The following GLIS3 variants were observed in gnomAD, a reference collection of about 807,000 sequenced individuals.
The protein encoded by GLIS3 is zinc finger protein GLIS3.
Under a neutral mutation model 78.6 loss-of-function variants are expected in GLIS3, and 53 were observed. The observed-to-expected ratio is 0.67, with a 90% CI of 0.54 to 0.85. The LOEUF is 0.85. Ranked by LOEUF, GLIS3 falls within the 40% of genes least tolerant of loss-of-function variation. GLIS3 has a pLI of 0.00. For missense variants in GLIS3, 1,703 were observed against 1,231.1 expected, an observed-to-expected ratio of 1.38 and a Z score of -5.74; for synonymous variants, 684 against 509.9, an observed-to-expected ratio of 1.34 and a Z score of -4.60.
intron 4 of GLIS3, among the ~76,000 whole-genome samples, chr9:4,094,387 TTTTAA>T (rs1403839522): frequency 6.6e-6 from 1 of 152,188 alleles, no homozygotes; most frequent in Non-Finnish European, 1.5e-5. Flanking sequence ...ATTTCCTCTG[TTTTAA>T]TTTTTGTTTT....
At chr9:4,330,197 C>T (rs529190734) in intron 2 of GLIS3, among the ~76,000 whole-genome samples, 1 of 152,224 alleles carries the variant, frequency 6.6e-6, no homozygotes, top group Admixed American at 6.5e-5. Context: ...TGGATTTTGC[C>T]AGTAGAAGGA....
chr9:4,403,022 A>G, the GLIS3 span, among the ~76,000 whole-genome samples: 1 of 152,248 alleles, frequency 6.6e-6, no homozygotes, highest in African/African-American at 2.4e-5. Flanking sequence ...AGCATTTATT[A>G]ATCAAACACT....
the GLIS3 span, among the ~76,000 whole-genome samples, chr9:4,461,943 A>G: frequency 6.6e-6 from 1 of 152,232 alleles, no homozygotes. Flanking sequence ...ATTGTTTTAC[A>G]TATTATGTTT....
intron 8 of GLIS3, among the ~76,000 whole-genome samples, chr9:3,867,759 G>A (rs960422824): frequency 4.6e-5 from 7 of 151,678 alleles, no homozygotes; most frequent in African/African-American, 1.7e-4. Context: ...GTGTGTGAGT[G>A]CATGTGTGTA....
At chr9:4,366,333 T>C in the GLIS3 span, among the ~76,000 whole-genome samples, 2 of 152,164 alleles carry the variant, frequency 1.3e-5, no homozygotes, top group African/African-American at 2.4e-5. Flanking sequence ...GCTAATTGCC[T>C]AAGCCTGAGT....
chr9:4,340,301 A>AC (rs947467979), intron 2 of GLIS3, among the ~76,000 whole-genome samples: 1 of 151,164 alleles, frequency 6.6e-6, no homozygotes, highest in African/African-American at 2.4e-5. Context: ...GAGAAAAAAA[A>AC]AAAAAAGTAT....
At chr9:4,182,254 A>AT (rs1241105363) in intron 2 of GLIS3, among the ~76,000 whole-genome samples, 1 of 152,106 alleles carries the variant, frequency 6.6e-6, no homozygotes, top group Non-Finnish European at 1.5e-5. Flanking sequence ...TGTGTAAAAA[A>AT]TTTTTTTGGA....
chr9:4,316,747 G>C (rs1465362726), intron 2 of GLIS3, among the ~76,000 whole-genome samples: 1 of 152,174 alleles, frequency 6.6e-6, no homozygotes, highest in Non-Finnish European at 1.5e-5. Flanking sequence ...TCGACCATCT[G>C]CAACCCTGAA....
intron 4 of GLIS3, among the ~76,000 whole-genome samples, chr9:3,970,865 T>A (rs1245735161): frequency 6.6e-6 from 1 of 152,052 alleles, no homozygotes; most frequent in African/African-American, 2.4e-5. Flanking sequence ...CAAAGCAGGT[T>A]CAGAGGCACA....
the GLIS3 span, among the ~76,000 whole-genome samples, chr9:4,440,022 G>A: frequency 2.1e-4 from 32 of 152,214 alleles, no homozygotes; most frequent in African/African-American, 6.7e-4. Context: ...CAAGTCTTTC[G>A]CCCATTTTGT....
the GLIS3 span, among the ~76,000 whole-genome samples, chr9:4,438,168 T>C: frequency 3.9e-4 from 60 of 152,232 alleles, no homozygotes; most frequent in Non-Finnish European, 8.2e-4. Context: ...TTTTGAATTT[T>C]GGAAATTTAT....
At chr9:4,350,047 C>T (rs575037893), upstream of GLIS3, among the ~76,000 whole-genome samples, 1 of 152,320 alleles carries the variant, frequency 6.6e-6, no homozygotes, top group South Asian at 2.1e-4. Flanking sequence ...TTTGACCAAA[C>T]TGAGAGAGTC....
intron 4 of GLIS3, among the ~76,000 whole-genome samples, chr9:3,949,682 T>G (rs1453328794): frequency 2.0e-5 from 3 of 152,228 alleles, no homozygotes; most frequent in African/African-American, 7.2e-5. Context: ...TCCCATAATC[T>G]AACAGGTGCC....
At chr9:3,833,193 GC>G (rs1486685547) in intron 9 of GLIS3, among the ~76,000 whole-genome samples, 1 of 152,130 alleles carries the variant, frequency 6.6e-6, no homozygotes, top group African/African-American at 2.4e-5. Context: ...AACCAGAATG[GC>G]CCCACAAGCA....
chr9:4,445,871 C>A, the GLIS3 span, among the ~76,000 whole-genome samples: 822 of 152,270 alleles, frequency 5.4e-3, 13 homozygotes, highest in African/African-American at 0.019. Context: ...CTGTAGAGAA[C>A]TGGAAATGGA....
At chr9:3,968,902 C>T (rs1818162055) in intron 4 of GLIS3, among the ~76,000 whole-genome samples, 1 of 152,214 alleles carries the variant, frequency 6.6e-6, no homozygotes, top group African/African-American at 2.4e-5. Context: ...GGGTAAAGAT[C>T]TAACTATAAG....
At chr9:4,462,526 G>A in the GLIS3 span, among the ~76,000 whole-genome samples, 2 of 151,630 alleles carry the variant, frequency 1.3e-5, no homozygotes, top group African/African-American at 4.8e-5. Flanking sequence ...GGAGGCAGAG[G>A]CAGGAGCATT....
chr9:4,027,901 T>C (rs1043291156), intron 4 of GLIS3, among the ~76,000 whole-genome samples: 1 of 152,122 alleles, frequency 6.6e-6, no homozygotes, highest in Non-Finnish European at 1.5e-5. Flanking sequence ...CCCCCTCAGC[T>C]TTGTCCAGCT....
At chr9:4,196,915 G>C (rs568773530) in intron 2 of GLIS3, among the ~76,000 whole-genome samples, 4 of 152,146 alleles carry the variant, frequency 2.6e-5, no homozygotes, top group African/African-American at 9.7e-5. Flanking sequence ...TGAGATCATG[G>C]TGCAGTAGGG....
Sources: allele counts gnomAD v4.1 joint callset (sites outside exome capture counted in the v4.1 genomes callset), GRCh38; gene constraint gnomAD v4.1.1; transcripts MANE v1.5; gene names NCBI Gene and HGNC (gene_info 2026-07-23, HGNC 2026-07-21).